The following KCNMB2 variants were observed in gnomAD, a reference collection of about 807,000 sequenced individuals.
KCNMB2 encodes calcium-activated potassium channel subunit beta-2.
Under a neutral mutation model 24.5 loss-of-function variants are expected in KCNMB2, and 9 were observed. The ratio of observed to expected loss-of-function variants is 0.37; its 90% CI spans 0.22 to 0.64. The LOEUF (loss-of-function observed/expected upper bound fraction) is 0.64. Among genes scored for constraint, KCNMB2 ranks in the 30% least tolerant of loss-of-function variants. The pLI is 0.63. For synonymous variants in KCNMB2, 109 were observed against 104.4 expected (o/e 1.04, Z -0.27); for missense variants, 226 against 284.3 (o/e 0.79, Z 1.47).
intron 4 of KCNMB2, among the ~76,000 whole-genome samples, chr3:178,838,158 G>A (rs1715300007): frequency 6.6e-6 from 1 of 152,106 alleles, no homozygotes; most frequent in Non-Finnish European, 1.5e-5. Flanking sequence ...AATGATCAGG[G>A]CATCTTTGAA....
chr3:178,662,529 T>C (rs1720568845), intron 1 of KCNMB2, among the ~76,000 whole-genome samples: 1 of 152,104 alleles, frequency 6.6e-6, no homozygotes, highest in Non-Finnish European at 1.5e-5. Flanking sequence ...TTCTGTGGTA[T>C]AAAAAGGACA....
In KCNMB2 at chr3:178,611,476, G is replaced by C. The variant is rs755664369; in HGVS notation, c.-68+74765G>C. Among the ~76,000 whole-genome samples the C allele has an allele frequency of 4.6e-5, 7 of 152,222 alleles. 1 individual carries two copies. In the South Asian group the frequency reaches 8.3e-4, roughly 18 times the overall value. ...TCCCAGCACTTTAGGAGGCCGAAGC[G>C]GGCAGGTCACAAGGTCAGGAGATCA... On this transcript the variant is annotated intron_variant, in intron 1 of 4. Transcript: ENST00000452583.
At chr3:178,699,845 T>C (rs1416286612) in intron 1 of KCNMB2, among the ~76,000 whole-genome samples, 2 of 152,354 alleles carry the variant, frequency 1.3e-5, no homozygotes, top group South Asian at 2.1e-4. Context: ...TCTAGGCAGC[T>C]CTTGCTGCTA....
chr3:178,807,769 C>T (rs2108452541), intron 2 of KCNMB2, among the ~76,000 whole-genome samples: 1 of 152,214 alleles, frequency 6.6e-6, no homozygotes, highest in Non-Finnish European at 1.5e-5. Flanking sequence ...CTCCCATCAT[C>T]TTCTTTAACC....
chr3:178,841,156 G>A (rs1715413148), intron 4 of KCNMB2, among the ~76,000 whole-genome samples: 1 of 152,128 alleles, frequency 6.6e-6, no homozygotes, highest in African/African-American at 2.4e-5. Context: ...TCTATGGCAG[G>A]GACAAAATGC....
intron 1 of KCNMB2, among the ~76,000 whole-genome samples, chr3:178,609,211 A>G (rs28781966): frequency 0.43 from 65,764 of 151,852 alleles, 17,149 homozygotes; most frequent in African/African-American, 0.75. Context: ...ATATGTCATT[A>G]TAGTTTTGCA....
At chr3:178,793,105 T>C (rs1004607499) in intron 1 of KCNMB2, among the ~76,000 whole-genome samples, 6 of 152,170 alleles carry the variant, frequency 3.9e-5, no homozygotes, top group African/African-American at 1.2e-4. Context: ...GGAGCCTAAA[T>C]ATACACAGCC....
intron 1 of KCNMB2, among the ~76,000 whole-genome samples, chr3:178,674,970 TA>T (rs1324645858): frequency 1.3e-5 from 2 of 152,214 alleles, no homozygotes; most frequent in Non-Finnish European, 2.9e-5. Context: ...TCTCTGACCA[TA>T]AAATTATAAT....
intron 1 of KCNMB2, among the ~76,000 whole-genome samples, chr3:178,614,247 T>TTATATATACATATATATA (rs1718600954): frequency 1.9e-5 from 1 of 53,466 alleles, no homozygotes; most frequent in Non-Finnish European, 3.6e-5. Context: ...TGGGCTAATT[T>TTATATATACATATATATA]TATATATATA....
intron 1 of KCNMB2, among the ~76,000 whole-genome samples, chr3:178,742,070 T>A (rs1033296225): frequency 1.3e-5 from 2 of 152,204 alleles, no homozygotes; most frequent in African/African-American, 4.8e-5. Context: ...TTAATATCTA[T>A]AATAAAAATA....
intron 1 of KCNMB2, among the ~76,000 whole-genome samples, chr3:178,656,571 G>C (rs1720350909): frequency 6.6e-6 from 1 of 152,030 alleles, no homozygotes; most frequent in Non-Finnish European, 1.5e-5. Flanking sequence ...TCAGGAGTTT[G>C]AGACCAGTCT....
At chr3:178,569,435 A>G (rs1406815669) in intron 1 of KCNMB2, among the ~76,000 whole-genome samples, 3 of 152,178 alleles carry the variant, frequency 2.0e-5, no homozygotes, top group Non-Finnish European at 4.4e-5. Flanking sequence ...TCACAGTAAG[A>G]GAAAGAGGCA....
At chr3:178,634,852 T>A (rs1719457741) in intron 1 of KCNMB2, among the ~76,000 whole-genome samples, 1 of 152,192 alleles carries the variant, frequency 6.6e-6, no homozygotes, top group Admixed American at 6.5e-5. Context: ...GTTTGAATTG[T>A]TTGAGCTCTG....
At chr3:178,634,206 G>A (rs1719430688) in intron 1 of KCNMB2, among the ~76,000 whole-genome samples, 1 of 152,062 alleles carries the variant, frequency 6.6e-6, no homozygotes. Context: ...TCCCACCTCT[G>A]TCTGTTACCC....
At chr3:178,836,239 G>T (rs1715224782) in intron 4 of KCNMB2, among the ~76,000 whole-genome samples, 1 of 152,042 alleles carries the variant, frequency 6.6e-6, no homozygotes, top group Non-Finnish European at 1.5e-5. Context: ...CTGAAAAAAA[G>T]CCCAACAGGT....
At chr3:178,718,179 T>A (rs895026588) in intron 1 of KCNMB2, among the ~76,000 whole-genome samples, 17 of 152,224 alleles carry the variant, frequency 1.1e-4, no homozygotes, top group African/African-American at 4.1e-4. Flanking sequence ...GTGATAGAAG[T>A]AGATCAGAAT....
intron 1 of KCNMB2, among the ~76,000 whole-genome samples, chr3:178,660,807 T>C (rs1045864225): frequency 7.9e-5 from 12 of 152,024 alleles, no homozygotes; most frequent in Non-Finnish European, 1.2e-4. Flanking sequence ...TATTGCTTCA[T>C]ATACACAGGG....
intron 1 of KCNMB2, among the ~76,000 whole-genome samples, chr3:178,675,126 T>C (rs1463487553): frequency 6.6e-6 from 1 of 152,264 alleles, no homozygotes; most frequent in Admixed American, 6.5e-5. Context: ...TCTGTAAATG[T>C]TGAATGAAAG....
intron 1 of KCNMB2, among the ~76,000 whole-genome samples, chr3:178,637,166 T>C (rs1265292883): frequency 6.6e-6 from 1 of 152,198 alleles, no homozygotes; most frequent in Non-Finnish European, 1.5e-5. Context: ...AATGAACATA[T>C]GCAAGCATGT....
Sources: allele counts gnomAD v4.1 joint callset (sites outside exome capture counted in the v4.1 genomes callset), GRCh38; gene constraint gnomAD v4.1.1; transcripts MANE v1.5; gene names NCBI Gene and HGNC (gene_info 2026-07-23, HGNC 2026-07-21).